RARB: variants seen among roughly 807,000 people sequenced by gnomAD.
RARB encodes the protein retinoic acid receptor beta.
A neutral mutation model predicts 51.9 loss-of-function variants in RARB; 17 were observed. That is an observed-to-expected ratio of 0.33 (90% confidence interval 0.22 to 0.49). RARB has a LOEUF of 0.49. RARB is among the 20% of genes least tolerant of loss of function. The pLI, the probability that RARB is intolerant of heterozygous loss-of-function variation, is 0.99. For synonymous variants in RARB, 215 were observed against 195.4 expected (o/e 1.10, Z -0.84); for missense variants, 369 against 550.8 (o/e 0.67, Z 3.30).
chr3:24,986,023 C>G lies in RARB; in HGVS notation c.-379-74102C>G, dbSNP rs187576013. Among the ~76,000 whole-genome samples, 323 of 152,308 alleles carry G rather than the reference C, an allele frequency of 2.1e-3. 1 individual carries two copies. Among genetic ancestry groups the G allele is most frequent in the African/African-American group, 7.3e-3 (303 of 41,566 alleles). On this transcript the variant is annotated intron_variant, in intron 2 of 11. Transcript: ENST00000383772. ...ATTAAATATGAGCATACTTTTCTCC[C>G]CAGCGTTGGAATATTTGAATATAAT... is the stretch of plus-strand genomic sequence containing the variant.
At chr3:25,258,930 A>T (rs1702931602) in intron 5 of RARB, 1 of 505,620 alleles carries the variant, frequency 2.0e-6, no homozygotes, top group Non-Finnish European at 2.5e-6. Context: ...ATTCCTCTCA[A>T]AGGCACTAAC....
intron 4 of RARB, among the ~76,000 whole-genome samples, chr3:25,165,215 T>C (rs1700540622): frequency 2.0e-5 from 3 of 152,206 alleles, no homozygotes; most frequent in Admixed American, 2.0e-4. Flanking sequence ...TTGTAGCTAC[T>C]GTGACTCTTT....
At chr3:25,197,767 A>G (rs1701281468) in intron 5 of RARB, among the ~76,000 whole-genome samples, 1 of 151,992 alleles carries the variant, frequency 6.6e-6, no homozygotes, top group Non-Finnish European at 1.5e-5. Flanking sequence ...AATGGATGTA[A>G]TAAGTTGAAG....
intron 3 of RARB, among the ~76,000 whole-genome samples, chr3:25,098,651 C>T (rs1374358004): frequency 1.3e-5 from 2 of 152,192 alleles, no homozygotes; most frequent in African/African-American, 2.4e-5. Context: ...ATCATTTATA[C>T]ATTGTCTATG....
chr3:24,853,714 GC>G (rs1179291903), intron 1 of RARB, among the ~76,000 whole-genome samples: 1 of 152,208 alleles, frequency 6.6e-6, no homozygotes, highest in Non-Finnish European at 1.5e-5. Flanking sequence ...TTCATTAAAT[GC>G]CTGTCTTAAA....
intron 5 of RARB, among the ~76,000 whole-genome samples, chr3:25,204,643 A>C (rs1046796250): frequency 6.6e-6 from 1 of 152,218 alleles, no homozygotes; most frequent in African/African-American, 2.4e-5. Flanking sequence ...TCCTTCTAAC[A>C]GTCAGGACCC....
intron 1 of RARB, among the ~76,000 whole-genome samples, chr3:24,844,425 T>G (rs1702460809): frequency 1.3e-5 from 2 of 152,200 alleles, no homozygotes. Flanking sequence ...TTTTCCCACG[T>G]CTGCAACTAA....
chr3:25,232,823 A>G (rs1490072490), intron 5 of RARB, among the ~76,000 whole-genome samples: 1 of 152,094 alleles, frequency 6.6e-6, no homozygotes, highest in Non-Finnish European at 1.5e-5. Context: ...ATTACATGAG[A>G]TATTCAACAC....
At chr3:24,861,787 A>G (rs1338723278) in intron 2 of RARB, among the ~76,000 whole-genome samples, 3 of 152,178 alleles carry the variant, frequency 2.0e-5, no homozygotes, top group Admixed American at 2.0e-4. Context: ...ACTGTAACTG[A>G]TGAAAGGATG....
chr3:24,903,503 TTTAA>T (rs1434723728), intron 2 of RARB, among the ~76,000 whole-genome samples: 3 of 152,160 alleles, frequency 2.0e-5, no homozygotes, highest in Admixed American at 6.5e-5. Flanking sequence ...CATAAATATA[TTTAA>T]TATTTTCAAC....
chr3:25,345,950 C>A (rs575296556), intron 5 of RARB: 24 of 841,342 alleles, frequency 2.9e-5, no homozygotes, highest in African/African-American at 2.6e-4. Context: ...TAGTTTAGTT[C>A]ATGATTCTAC....
intron 3 of RARB, among the ~76,000 whole-genome samples, chr3:25,569,425 C>T (rs1700624364): frequency 6.6e-6 from 1 of 152,206 alleles, no homozygotes; most frequent in Admixed American, 6.5e-5. Flanking sequence ...GAGGGTAAAG[C>T]TCTTGGAAAA....
At chr3:25,572,559 A>G (rs1401273477) in intron 4 of RARB, among the ~76,000 whole-genome samples, 4 of 152,220 alleles carry the variant, frequency 2.6e-5, no homozygotes, top group African/African-American at 9.6e-5. Flanking sequence ...TAACCAGTAT[A>G]CTATACACAG....
At chr3:25,299,255 A>G (rs1009324412) in intron 5 of RARB, among the ~76,000 whole-genome samples, 2 of 152,116 alleles carry the variant, frequency 1.3e-5, no homozygotes, top group African/African-American at 4.8e-5. Context: ...AAAAAGAAAG[A>G]TCCATCTTCA....
Position 25,253,749 on chromosome 3 carries a change from A to C in RARB, c.178+79174A>C, listed in dbSNP as rs142064705. On this transcript the variant is annotated intron_variant, in intron 5 of 11. Transcript: ENST00000383772. Reference sequence around the variant, plus strand: ...TCTATTCATTTGTATATGAGTTATCAGTTGTCAATAAGGCTATAAAGGTTA... The same window carrying C: ...TCTATTCATTTGTATATGAGTTATCCGTTGTCAATAAGGCTATAAAGGTTA... Among the ~76,000 whole-genome samples the C allele has an allele frequency of 2.7e-3, 416 of 152,300 alleles. 2 individuals are homozygous for C. The highest frequency in any genetic ancestry group is 9.6e-3 in the African/African-American group (401 of 41,582).
chr3:25,572,464 C>T lies in RARB; in HGVS notation c.609+2546C>T, dbSNP rs865792664. Among the ~76,000 whole-genome samples the T allele has an allele frequency of 3.3e-5, 5 of 152,240 alleles. No individual in the cohort carries two copies. The Middle Eastern group carries it at 0.01, about 311-fold the overall frequency. On this transcript the variant is annotated intron_variant, in intron 4 of 7. Coordinates refer to ENST00000330688, the MANE Select transcript of RARB (RefSeq NM_000965.5). ...TGCAAAAGCCAGGTACAGAAAGGCT[C>T]GATAACTTTCCCCTTGTCTCTTAGT... is the stretch of plus-strand genomic sequence containing the variant.
intron 2 of RARB, among the ~76,000 whole-genome samples, chr3:25,488,188 CG>C (rs1247676955): frequency 6.6e-6 from 1 of 152,188 alleles, no homozygotes; most frequent in Non-Finnish European, 1.5e-5. Flanking sequence ...TCATGATTTA[CG>C]GGGGCCCGGC....
At chr3:25,438,286 C>T (rs1392274497) in intron 1 of RARB, among the ~76,000 whole-genome samples, 2 of 152,162 alleles carry the variant, frequency 1.3e-5, no homozygotes, top group Non-Finnish European at 2.9e-5. Flanking sequence ...GGTATACAGT[C>T]GCTTTCACTA....
At chr3:25,588,054 C>A (rs745774650) in intron 5 of RARB, among the ~76,000 whole-genome samples, 17 of 152,144 alleles carry the variant, frequency 1.1e-4, no homozygotes, top group Non-Finnish European at 2.2e-4. Flanking sequence ...AGGTAAAGAG[C>A]GGTCTCATTC....
Sources: allele counts gnomAD v4.1 joint callset (sites outside exome capture counted in the v4.1 genomes callset), GRCh38; gene constraint gnomAD v4.1.1; transcripts MANE v1.5; gene names NCBI Gene and HGNC (gene_info 2026-07-23, HGNC 2026-07-21).